Variants in PDE11A observed in about 807,000 individuals in gnomAD.
PDE11A encodes the protein dual 3',5'-cyclic-AMP and -GMP phosphodiesterase 11A.
PDE11A carries 100 observed loss-of-function variants against 100.5 expected under a neutral mutation model. That is an observed-to-expected ratio of 1.00 (90% CI 0.85 to 1.18). PDE11A has a LOEUF of 1.18. Ranked by LOEUF, PDE11A falls within the 50% of genes most tolerant of loss-of-function variation. The probability of loss-of-function intolerance (pLI) is 0.00; values close to 1 mark genes in which losing one functional copy is unlikely to be tolerated. For synonymous variants in PDE11A, 381 were observed against 420.8 expected (o/e 0.91, Z 1.16); for missense variants, 1,141 against 1,152.6 (o/e 0.99, Z 0.15).
chr2:177,745,897 G>A (rs959495990), intron 10 of PDE11A, among the ~76,000 whole-genome samples: 3 of 152,162 alleles, frequency 2.0e-5, no homozygotes, highest in African/African-American at 7.2e-5. Context: ...GAGCCCAAGA[G>A]GTCCTCTGCT....
intron 12 of PDE11A, chr2:177,723,141 C>A (rs938205645): frequency 1.5e-4 from 23 of 152,168 alleles, no homozygotes; most frequent in African/African-American, 5.5e-4. Context: ...GAATTTTCTA[C>A]CTCAAAAATC....
intron 9 of PDE11A, among the ~76,000 whole-genome samples, chr2:177,771,456 C>G (rs1023046740): frequency 1.4e-4 from 21 of 152,142 alleles, no homozygotes; most frequent in African/African-American, 5.1e-4. Context: ...CCTTCAGAGT[C>G]AGGCTGCCAC....
At chr2:177,693,533 C>T (rs1418034524) in intron 15 of PDE11A, among the ~76,000 whole-genome samples, 1 of 152,188 alleles carries the variant, frequency 6.6e-6, no homozygotes, top group Non-Finnish European at 1.5e-5. Context: ...GGTGTCATTT[C>T]CAAAACTAAA....
intron 1 of PDE11A, among the ~76,000 whole-genome samples, chr2:178,106,957 CAA>C (rs575714643): frequency 9.8e-5 from 6 of 61,116 alleles, no homozygotes; most frequent in Non-Finnish European, 2.0e-4. Context: ...AAGACTCTCT[CAA>C]AAAAAAAAAA....
In PDE11A at chr2:178,079,374, A is replaced by G. The variant is rs534918611; in HGVS notation, c.162+24928T>C. Among the ~76,000 whole-genome samples, 3 of 151,486 alleles carry G rather than the reference A, an allele frequency of 2.0e-5. No individual in the cohort carries two copies. The East Asian group carries it at 5.9e-4, about 30-fold the overall frequency. ...TTCTCATTGTTCAGCTCCCACTTGT[A>G]AGTGAGAACATGTGGGTTTGGTTTT... On this transcript the variant is annotated intron_variant, in intron 2 of 20. Coordinates refer to the PDE11A transcript ENST00000358450.
chr2:177,865,141 T>G (rs771741245), intron 5 of PDE11A, among the ~76,000 whole-genome samples: 11 of 152,064 alleles, frequency 7.2e-5, no homozygotes, highest in Non-Finnish European at 1.5e-4. Flanking sequence ...TAGCCAGGCT[T>G]GGTGGCAGGC....
At position 178,102,021 on chromosome 2, in the gene PDE11A, C is replaced by T. The variant is rs2087565299; in HGVS notation, c.162+2281G>A. On this transcript the variant is annotated intron_variant, in intron 2 of 20. Coordinates refer to the PDE11A transcript ENST00000358450. Reference sequence around the variant, plus strand: ...CTCTGTCACCCAGGCGGGAGTGCAGCTGTGAGATTATGGGTCACTGCAGCC... The same window carrying T: ...CTCTGTCACCCAGGCGGGAGTGCAGTTGTGAGATTATGGGTCACTGCAGCC... 2.6e-5 allele frequency among the ~76,000 whole-genome samples: 4 copies of T among 152,078 alleles called. No individual in the cohort carries two copies. The Middle Eastern group carries it at 0.01, about 388-fold the overall frequency.
chr2:177,819,697 G>A (rs758702539), intron 7 of PDE11A, among the ~76,000 whole-genome samples: 5 of 151,976 alleles, frequency 3.3e-5, no homozygotes, highest in Non-Finnish European at 5.9e-5. Context: ...GTCCAATATA[G>A]AATGTTATTT....
intron 19 of PDE11A, among the ~76,000 whole-genome samples, chr2:177,651,112 T>G (rs921165242): frequency 1.1e-4 from 17 of 152,198 alleles, no homozygotes; most frequent in African/African-American, 4.1e-4. Flanking sequence ...CTTGGTATTG[T>G]GAAGAGAATT....
At position 177,958,142 on chromosome 2, in the gene PDE11A, C is replaced by A. The variant is rs375084961; in HGVS notation, c.1072-52955G>T. ...CTAACCTCAGGTGATCCACCTGCCT[C>A]GGCCTCCCAAGGTGCTGCAATTACA... On this transcript the variant is annotated intron_variant, in intron 2 of 19. Coordinates refer to ENST00000286063, the MANE Select transcript of PDE11A (RefSeq NM_016953.4). 5.3e-5 allele frequency among the ~76,000 whole-genome samples: 8 copies of A among 152,192 alleles called. No homozygotes were observed. In the East Asian group the frequency reaches 9.7e-4, roughly 18 times the overall value.
intron 9 of PDE11A, among the ~76,000 whole-genome samples, chr2:177,814,132 C>T (rs13384016): frequency 0.41 from 61,607 of 151,688 alleles, 14,326 homozygotes; most frequent in African/African-American, 0.64. Flanking sequence ...TTTTAAAAAA[C>T]TTTGTTACAT....
intron 10 of PDE11A, among the ~76,000 whole-genome samples, chr2:177,735,694 C>A (rs1438919086): frequency 6.6e-6 from 1 of 152,148 alleles, no homozygotes; most frequent in Non-Finnish European, 1.5e-5. Context: ...AGGCTTGGAC[C>A]CCTTGGCTGC....
chr2:177,979,182 C>A (rs970558932), intron 2 of PDE11A, among the ~76,000 whole-genome samples: 1 of 150,484 alleles, frequency 6.6e-6, no homozygotes, highest in Admixed American at 6.6e-5. Context: ...CTATGGTTCA[C>A]CATAGCATGC....
chr2:177,860,633 A>C (rs2083929316), intron 5 of PDE11A, among the ~76,000 whole-genome samples: 1 of 151,656 alleles, frequency 6.6e-6, no homozygotes. Context: ...TGACACCAAA[A>C]CCAATTATAT....
chr2:177,714,962 C>T (rs2081414673), intron 12 of PDE11A, among the ~76,000 whole-genome samples: 1 of 152,188 alleles, frequency 6.6e-6, no homozygotes, highest in African/African-American at 2.4e-5. Context: ...CACCGTCATT[C>T]AGGGGGTTCC....
intron 19 of PDE11A, among the ~76,000 whole-genome samples, chr2:177,636,233 GA>G (rs2080035726): frequency 6.6e-6 from 1 of 152,058 alleles, no homozygotes; most frequent in African/African-American, 2.4e-5. Flanking sequence ...AGCTAAGAAG[GA>G]TACACAAATC....
intron 5 of PDE11A, among the ~76,000 whole-genome samples, chr2:177,855,104 A>G (rs759909784): frequency 2.6e-5 from 4 of 152,124 alleles, no homozygotes; most frequent in Non-Finnish European, 5.9e-5. Context: ...TGTTTATACA[A>G]AACACCTATT....
intron 6 of PDE11A, among the ~76,000 whole-genome samples, chr2:177,838,676 C>T (rs749970683): frequency 2.0e-5 from 3 of 152,088 alleles, no homozygotes; most frequent in South Asian, 2.1e-4. Flanking sequence ...GTTTGGAGTT[C>T]GATGGCCTAC....
At chr2:177,819,868 T>TCTCTCTCTC (rs60332687) in intron 7 of PDE11A, among the ~76,000 whole-genome samples, 9 of 139,086 alleles carry the variant, frequency 6.5e-5, no homozygotes, top group African/African-American at 2.0e-4. Context: ...CTTTCTCTCT[T>TCTCTCTCTC]TCTCTCTCTC....
Sources: gnomAD v4.1 joint callset for allele counts (sites outside exome capture counted in the v4.1 genomes callset) on GRCh38, gnomAD v4.1.1 for gene constraint, MANE v1.5 for transcripts, NCBI Gene and HGNC (gene_info 2026-07-23, HGNC 2026-07-21) for gene names.